The following GLG1 variants were observed in gnomAD, a reference collection of about 807,000 sequenced individuals.
GLG1 encodes Golgi apparatus protein 1.
GLG1 carries 38 observed loss-of-function variants against 160.5 expected under a neutral mutation model. That is an observed-to-expected ratio of 0.24 (90% CI 0.18 to 0.31). GLG1 has a LOEUF of 0.31. GLG1 is among the 10% of genes least tolerant of loss of function. GLG1 has a pLI of 1.00. For synonymous variants in GLG1, 644 were observed against 543.4 expected (o/e 1.19, Z -2.57); for missense variants, 1,373 against 1,505.2 (o/e 0.91, Z 1.45).
intron 1 of GLG1, among the ~76,000 whole-genome samples, chr16:74,540,712 T>C (rs1228367657): frequency 6.6e-6 from 1 of 151,518 alleles, no homozygotes; most frequent in Non-Finnish European, 1.5e-5. Context: ...GTGTTAACCA[T>C]TTTTACCTAA....
In GLG1 at chr16:74,453,387, AG is replaced by A. The variant is rs2143112065; in HGVS notation, c.3373-54del. 2.2e-5 allele frequency: 27 copies of A among 1,226,762 alleles called. No homozygotes were observed. The South Asian group carries it at 3.4e-4, about 15-fold the overall frequency. The allele number at this position is 1,226,762 out of a possible 1,614,324, so 76.0% of individuals were successfully genotyped here. On this transcript the variant is annotated intron_variant, in intron 25 of 25. Transcript: ENST00000422840. ...TCTGAGAGAGCACTGGGCTGGTGGCAGTGCTAGGTCTAACTTATCCCTCTCA... is the reference window on the plus strand; with the variant it reads ...TCTGAGAGAGCACTGGGCTGGTGGCATGCTAGGTCTAACTTATCCCTCTCA...
At chr16:74,568,509 C>A (rs1334057203) in intron 1 of GLG1, among the ~76,000 whole-genome samples, 1 of 151,822 alleles carries the variant, frequency 6.6e-6, no homozygotes, top group South Asian at 2.1e-4. Context: ...CCTCCGCCTC[C>A]CGGGTTCAAG....
intron 4 of GLG1, among the ~76,000 whole-genome samples, chr16:74,500,458 C>T (rs750114175): frequency 6.6e-5 from 10 of 150,590 alleles, no homozygotes; most frequent in East Asian, 1.9e-4. Flanking sequence ...TTAACAACAA[C>T]GGCCCCCACA....
chr16:74,498,232 A>C (rs1328018529), intron 4 of GLG1, among the ~76,000 whole-genome samples: 1 of 150,754 alleles, frequency 6.6e-6, no homozygotes, highest in Non-Finnish European at 1.5e-5. Flanking sequence ...AGAGTTCAAG[A>C]CCAGTCTGGC....
chr16:74,476,800 G>C (rs1319425451), intron 12 of GLG1, among the ~76,000 whole-genome samples: 2 of 152,140 alleles, frequency 1.3e-5, no homozygotes, highest in Admixed American at 1.3e-4. Context: ...TTAGGTAAGG[G>C]AATGTATACA....
rs1440423875 is a variant in GLG1, at chr16:74,547,187, T to TA, written c.439-15035dup. ...GGGGATGTAGAGGTAGTGCCTCAAT[T>TA]AAACAAAAACAATTTCTATAAATGT... On this transcript the variant is annotated intron_variant, in intron 1 of 25. Coordinates refer to ENST00000422840, the MANE Select transcript of GLG1 (RefSeq NM_001145667.2). Among the ~76,000 whole-genome samples, 4 of 151,488 alleles carry TA rather than the reference T, an allele frequency of 2.6e-5. No individual in the cohort carries two copies. In the East Asian group the frequency reaches 7.7e-4, roughly 29 times the overall value.
chr16:74,567,952 T>C (rs138924300), intron 1 of GLG1, among the ~76,000 whole-genome samples: 2 of 152,344 alleles, frequency 1.3e-5, no homozygotes, highest in East Asian at 1.9e-4. Context: ...TCAGTCTGAG[T>C]GCTCCAGGTC....
Position 74,447,798 on chromosome 16 carries a change from A to C in GLG1, c.*5369T>G, listed in dbSNP as rs2014127029. The C allele has an allele frequency of 6.6e-6, 1 of 152,276 alleles. No homozygotes were observed. Among genetic ancestry groups the C allele is most frequent in the Admixed American group, 6.5e-5 (1 of 15,288 alleles). The allele number at this position is 152,276 out of a possible 1,614,324, so 9.4% of individuals were successfully genotyped here. Reference sequence around the variant, plus strand: ...CTTTCCGGAGGTCTCTGCCCAGTGCACTGCAGGGGGACCTGGAGGGCCCAT... The same window carrying C: ...CTTTCCGGAGGTCTCTGCCCAGTGCCCTGCAGGGGGACCTGGAGGGCCCAT... On this transcript the variant is annotated 3_prime_UTR_variant, in exon 26 of 26. Transcript: ENST00000422840.
In GLG1 at chr16:74,555,099, G is replaced by T. The variant is rs571579917; in HGVS notation, c.439-22946C>A. Among the ~76,000 whole-genome samples, 7 of 152,256 alleles carry T rather than the reference G, an allele frequency of 4.6e-5. No homozygotes were observed. In the East Asian group the frequency reaches 1.2e-3, roughly 25 times the overall value. On this transcript the variant is annotated intron_variant, in intron 1 of 25. Coordinates refer to ENST00000422840, the MANE Select transcript of GLG1 (RefSeq NM_001145667.2). The stretch of plus-strand genomic sequence containing the variant: ...AAACGGGAAAAAAGAAAAAACAGTT[G>T]TAACTGTGCTTGGAGATACCCACCA...
intron 1 of GLG1, among the ~76,000 whole-genome samples, chr16:74,556,790 ATAT>A (rs1217850146): frequency 4.0e-5 from 6 of 149,394 alleles, no homozygotes; most frequent in African/African-American, 7.3e-5. Flanking sequence ...ATATAAAATA[ATAT>A]TATTATTACA....
At chr16:74,606,421 G>C (rs577441102) in intron 1 of GLG1, among the ~76,000 whole-genome samples, 6 of 152,308 alleles carry the variant, frequency 3.9e-5, no homozygotes, top group Non-Finnish European at 5.9e-5. Flanking sequence ...CAGGAGCCCA[G>C]GTTTTCGTCC....
chr16:74,582,993 CTCTTT>C (rs1172855251), intron 1 of GLG1, among the ~76,000 whole-genome samples: 2 of 152,040 alleles, frequency 1.3e-5, no homozygotes, highest in Admixed American at 6.6e-5. Flanking sequence ...TTTTAAATTT[CTCTTT>C]TCTTGACTCT....
chr16:74,570,090 AGAC>A (rs1414495273), intron 1 of GLG1, among the ~76,000 whole-genome samples: 2 of 152,040 alleles, frequency 1.3e-5, no homozygotes, highest in Non-Finnish European at 2.9e-5. Flanking sequence ...TTTATTGAAA[AGAC>A]AAATGGTTTT....
At chr16:74,460,101 A>T (rs1199878988) in intron 22 of GLG1, among the ~76,000 whole-genome samples, 1 of 151,468 alleles carries the variant, frequency 6.6e-6, no homozygotes, top group Non-Finnish European at 1.5e-5. Flanking sequence ...GGCTCACCGC[A>T]ACCTCTGCCT....
chr16:74,564,523 A>G (rs2143752811), intron 1 of GLG1, among the ~76,000 whole-genome samples: 1 of 152,338 alleles, frequency 6.6e-6, no homozygotes, highest in Non-Finnish European at 1.5e-5. Context: ...TCTCTTCAGC[A>G]GGAATGATAA....
At chr16:74,492,399 T>G (rs2016030893) in intron 7 of GLG1, among the ~76,000 whole-genome samples, 3 of 150,698 alleles carry the variant, frequency 2.0e-5, no homozygotes, top group South Asian at 4.2e-4. Context: ...AGAAAACTAT[T>G]CAGCTGGGCA....
chr16:74,459,854 C>CTT (rs71158515), intron 22 of GLG1, 65 bp from the exon 23 acceptor site: 6,508 of 639,556 alleles, frequency 0.01, 46 homozygotes, highest in African/African-American at 0.052. Flanking sequence ...ACAGTTTCTT[C>CTT]TTTTTTTTTT....
At position 74,577,331 on chromosome 16, in the gene GLG1, G is replaced by A. The variant is rs546011975; in HGVS notation, c.438+29326C>T. On this transcript the variant is annotated intron_variant, in intron 1 of 25. Transcript: ENST00000422840. Reference sequence around the variant, plus strand: ...AAGGTCAGGAGTTCGAGATCAGGCTGGTCAACATGGTGAAACCCCATCTCT... The same window carrying A: ...AAGGTCAGGAGTTCGAGATCAGGCTAGTCAACATGGTGAAACCCCATCTCT... Among the ~76,000 whole-genome samples, 279 of 152,174 alleles carry A rather than the reference G, an allele frequency of 1.8e-3. 1 individual carries two copies. Among genetic ancestry groups the A allele is most frequent in the African/African-American group, 6.5e-3 (270 of 41,536 alleles).
rs140035541 is a variant in GLG1 at position 74,483,091 on chromosome 16, T to G, written c.1605A>C (p.Thr535=). Residue 535 remains threonine, a synonymous_variant, in exon 10 of 26, where the codon ACA becomes ACC. Transcript: ENST00000422840. ...GTTCACAGTCTTCTACCATCTTCTC[T>G]GTGTATAAATGTTCCATCAGGCACG... is the stretch of plus-strand genomic sequence containing the variant. ...ILSCLMEHLY[T]EKMVEDCEHR... The G allele has an allele frequency of 1.9e-6, 3 of 1,607,864 alleles. No individual in the cohort carries two copies. In the African/African-American group the frequency reaches 4.0e-5, roughly 21 times the overall value.
Sources: gnomAD v4.1 joint callset for allele counts (sites outside exome capture counted in the v4.1 genomes callset) on GRCh38, gnomAD v4.1.1 for gene constraint, MANE v1.5 for transcripts, NCBI Gene and HGNC (gene_info 2026-07-23, HGNC 2026-07-21) for gene names.